Variants in AP3B1 observed in about 807,000 individuals in gnomAD.
AP3B1 encodes AP-3 complex subunit beta-1.
Under a neutral mutation model 132.5 loss-of-function variants are expected in AP3B1, and 61 were observed. The observed-to-expected ratio is 0.46, with a 90% CI of 0.37 to 0.57. The LOEUF (loss-of-function observed/expected upper bound fraction) is 0.57, where lower values mean the gene tolerates loss of function less well. Ranked by LOEUF, AP3B1 falls within the 20% of genes least tolerant of loss-of-function variation. The pLI, the probability that AP3B1 is intolerant of heterozygous loss-of-function variation, is 0.00. For missense variants in AP3B1, 1,120 were observed against 1,289.4 expected (o/e 0.87, Z 2.01); for synonymous variants, 388 against 438.3 (o/e 0.89, Z 1.43).
intron 22 of AP3B1, chr5:78,087,776 CT>C: frequency 1.3e-6 from 1 of 782,600 alleles, no homozygotes; most frequent in Non-Finnish European, 1.6e-6. Flanking sequence ...ATCTCAACTG[CT>C]TTCTTCTTAT....
At chr5:78,135,924 C>T (rs1405279495) in intron 15 of AP3B1, among the ~76,000 whole-genome samples, 2 of 152,038 alleles carry the variant, frequency 1.3e-5, no homozygotes, top group Non-Finnish European at 2.9e-5. Flanking sequence ...AACTTTTTCC[C>T]CACATAAAAG....
At chr5:78,054,139 C>T (rs931232794) in intron 22 of AP3B1, among the ~76,000 whole-genome samples, 1 of 152,046 alleles carries the variant, frequency 6.6e-6, no homozygotes, top group African/African-American at 2.4e-5. Context: ...GCAGGATAGG[C>T]ACAAGTAAGG....
chr5:78,055,205 G>C (rs1259670011), intron 22 of AP3B1, among the ~76,000 whole-genome samples: 1 of 152,188 alleles, frequency 6.6e-6, no homozygotes, highest in African/African-American at 2.4e-5. Flanking sequence ...GCTGTTCCGG[G>C]TCAAGTCCTG....
At chr5:78,022,171 T>G (rs1747135113) in intron 24 of AP3B1, among the ~76,000 whole-genome samples, 1 of 152,226 alleles carries the variant, frequency 6.6e-6, no homozygotes, top group African/African-American at 2.4e-5. Flanking sequence ...AAATCCAATT[T>G]ATTTATCAAT....
chr5:78,110,991 C>T (rs2112254371), intron 19 of AP3B1, among the ~76,000 whole-genome samples: 1 of 152,034 alleles, frequency 6.6e-6, no homozygotes, highest in East Asian at 1.9e-4. Context: ...CTTCTGGGCT[C>T]GAGTAGTCCT....
At chr5:78,068,196 T>C (rs183324590) in intron 22 of AP3B1, among the ~76,000 whole-genome samples, 42 of 152,200 alleles carry the variant, frequency 2.8e-4, no homozygotes, top group African/African-American at 9.4e-4. Context: ...TGGTGGCACA[T>C]GCCTGCAATC....
chr5:78,040,604 C>A (rs1354344995), intron 22 of AP3B1, among the ~76,000 whole-genome samples: 1 of 151,936 alleles, frequency 6.6e-6, no homozygotes, highest in African/African-American at 2.4e-5. Flanking sequence ...ATTCTAAAAC[C>A]ATGTGATAGC....
intron 23 of AP3B1, among the ~76,000 whole-genome samples, chr5:78,037,817 T>C (rs1747867517): frequency 6.6e-6 from 1 of 152,244 alleles, no homozygotes; most frequent in Non-Finnish European, 1.5e-5. Context: ...AAACCTTTTA[T>C]TACTTTTAAT....
intron 26 of AP3B1, among the ~76,000 whole-genome samples, chr5:78,009,488 G>T (rs1746529337): frequency 6.6e-6 from 1 of 151,610 alleles, no homozygotes; most frequent in African/African-American, 2.4e-5. Context: ...GAAACAAGTT[G>T]TTCTTTACCT....
intron 1 of AP3B1, among the ~76,000 whole-genome samples, chr5:78,273,279 C>T (rs965048766): frequency 6.6e-5 from 10 of 152,034 alleles, no homozygotes; most frequent in African/African-American, 2.2e-4. Context: ...GTGACATGCG[C>T]CTGTAATCCC....
rs374827992 is a variant in AP3B1, at chr5:78,038,021, T to C, written c.2809+1022A>G. 2.9e-4 allele frequency among the ~76,000 whole-genome samples: 44 copies of C among 152,212 alleles called. No homozygotes were observed. In the East Asian group the frequency reaches 5.8e-3, roughly 20 times the overall value. ...TAAAAAATGCAAAGGGGATGAAAAA[T>C]GGCCACTGACACTTTGTTGGAGAGA... is the stretch of plus-strand genomic sequence containing the variant. On this transcript the variant is annotated intron_variant, in intron 23 of 26. Coordinates refer to ENST00000255194, the MANE Select transcript of AP3B1 (RefSeq NM_003664.5).
At chr5:78,192,666 T>C (rs1179418039) in intron 7 of AP3B1, among the ~76,000 whole-genome samples, 1 of 151,904 alleles carries the variant, frequency 6.6e-6, no homozygotes, top group Non-Finnish European at 1.5e-5. Flanking sequence ...AAGAAAGAAA[T>C]CCTAATCCCC....
At chr5:78,247,461 G>A (rs924002969) in intron 2 of AP3B1, among the ~76,000 whole-genome samples, 4 of 150,278 alleles carry the variant, frequency 2.7e-5, no homozygotes, top group African/African-American at 9.7e-5. Flanking sequence ...AAGCACTGAC[G>A]TCTCTATAAT....
downstream of AP3B1, chr5:78,001,221 C>A (rs755371634): frequency 2.6e-5 from 4 of 151,914 alleles, no homozygotes; most frequent in Non-Finnish European, 5.9e-5. Flanking sequence ...ATTTTTTTTT[C>A]TTCCTCAGAA....
intron 22 of AP3B1, among the ~76,000 whole-genome samples, chr5:78,047,341 C>T (rs1393339345): frequency 3.3e-5 from 5 of 152,208 alleles, no homozygotes. Context: ...GTTCCTATTT[C>T]TCCACATCCT....
chr5:78,286,371 T>C (rs551515934), intron 1 of AP3B1, among the ~76,000 whole-genome samples: 5 of 152,260 alleles, frequency 3.3e-5, no homozygotes, highest in African/African-American at 7.2e-5. Flanking sequence ...TGAGGGCTCC[T>C]CCCTTCATGA....
intron 3 of AP3B1, among the ~76,000 whole-genome samples, chr5:78,239,789 A>AT (rs1747044592): frequency 6.6e-6 from 1 of 151,798 alleles, no homozygotes; most frequent in Non-Finnish European, 1.5e-5. Flanking sequence ...AAAAAAAAAA[A>AT]AAAAAAAAAA....
chr5:78,156,388 T>A, intron 13 of AP3B1, 21 bp from the exon 14 acceptor site: 2 of 1,466,030 alleles, frequency 1.4e-6, no homozygotes, highest in Non-Finnish European at 1.9e-6. Flanking sequence ...TAGAAATTAT[T>A]CATACTAAAT....
intron 7 of AP3B1, among the ~76,000 whole-genome samples, chr5:78,209,223 G>A (rs76722773): frequency 0.03 from 4,553 of 152,110 alleles, 230 homozygotes; most frequent in African/African-American, 0.1. Flanking sequence ...GGAAGGGTGG[G>A]TCAGACATGC....
Sources: gnomAD v4.1 joint callset for allele counts (sites outside exome capture counted in the v4.1 genomes callset) on GRCh38, gnomAD v4.1.1 for gene constraint, MANE v1.5 for transcripts, NCBI Gene and HGNC (gene_info 2026-07-23, HGNC 2026-07-21) for gene names.